Variants in ZNF304 observed in about 807,000 individuals in gnomAD.
The protein encoded by ZNF304 is zinc finger protein 304, also known as KRAB-containing zinc finger protein.
ZNF304 carries 7 observed loss-of-function variants against 7.8 expected under a neutral mutation model. The observed-to-expected ratio is 0.90, with a 90% CI of 0.51 to 1.69. The LOEUF is 1.69. Among genes scored for constraint, ZNF304 ranks in the 40% most tolerant of loss-of-function variants. The probability of loss-of-function intolerance (pLI) is 0.00; values close to 1 mark genes in which losing one functional copy is unlikely to be tolerated. For missense variants in ZNF304, 669 were observed against 804.8 expected, an observed-to-expected ratio of 0.83 and a Z score of 2.04; for synonymous variants, 280 against 272.4, an observed-to-expected ratio of 1.03 and a Z score of -0.27.
chr19:57,351,467 GCTGGGCTCTTACCGAGGCCTCCACA>G lies in ZNF304; in HGVS notation c.-196_-172del. The G allele has an allele frequency of 2.1e-5, 13 of 617,822 alleles. No homozygotes were observed. The highest frequency in any genetic ancestry group is 3.7e-5 in the Non-Finnish European group (13 of 352,916). 38.3% of individuals were successfully genotyped at this position (617,822 alleles called of 1,614,324 possible). A position where few individuals can be genotyped will look rare whatever the true frequency, so the allele number is the denominator to read the frequency against. ...GCCTCTCGCGGAGGTGTCTGCCGGG[GCTGGGCTCTTACCGAGGCCTCCACA>G]CACGTCCTCTTGTCCTTGTCTCCCC... is the stretch of plus-strand genomic sequence containing the variant. On this transcript the variant is annotated 5_prime_UTR_variant, in exon 1 of 3. An upstream open reading frame in the 5' UTR gains an earlier in-frame stop. Transcript: ENST00000282286. The surrounding 1 kb of genome is among the most constrained non-coding windows in gnomAD (Gnocchi z 4.1).
chr19:57,353,890 A>C (rs1785298391), intron 2 of ZNF304, 39 bp downstream of exon 2: 1 of 1,452,524 alleles, frequency 6.9e-7, no homozygotes, highest in Non-Finnish European at 9.2e-7. Flanking sequence ...TACATGGCAA[A>C]TTATCCCAAA....
In ZNF304 at chr19:57,358,590, G is replaced by T. The variant is rs2088381787; in HGVS notation, c.*741G>T. 1 of 152,264 alleles carries T rather than the reference G, an allele frequency of 6.6e-6. No homozygotes were observed. Among genetic ancestry groups the T allele is most frequent in the Non-Finnish European group, 1.5e-5 (1 of 68,092 alleles). 9.4% of individuals were successfully genotyped at this position (152,264 alleles called of 1,614,324 possible). On this transcript the variant is annotated 3_prime_UTR_variant, in exon 3 of 3. Transcript: ENST00000282286. ...TGTCATGAAGGGAGTAGCACCTTTT[G>T]TGGGCACCACCTTTATGTGCCTCAG... is the stretch of plus-strand genomic sequence containing the variant.
chr19:57,359,554 A>G lies in ZNF304; in HGVS notation c.*1705A>G, dbSNP rs1435040801. 1 of 152,242 alleles carries G rather than the reference A, an allele frequency of 6.6e-6. No individual in the cohort carries two copies. The highest frequency in any genetic ancestry group is 1.9e-4 in the East Asian group (1 of 5,204). The allele number at this position is 152,242 out of a possible 1,614,324, so 9.4% of individuals were successfully genotyped here. A position where few individuals can be genotyped will look rare whatever the true frequency, so the allele number is the denominator to read the frequency against. ...AACCACCACAGTCAAGATATCCAAC[A>G]CAACAAAAGATTGTCCCTTTATAAT... is the stretch of plus-strand genomic sequence containing the variant. On this transcript the variant is annotated 3_prime_UTR_variant, in exon 3 of 3. Transcript: ENST00000282286.
rs2088276677 is a variant in ZNF304 at position 57,351,692 on chromosome 19, G to T, written c.28G>T (p.Val10Phe). 2 of 1,612,418 alleles carry T rather than the reference G, an allele frequency of 1.2e-6. No individual in the cohort carries two copies. Among genetic ancestry groups the T allele is most frequent in the South Asian group, 2.2e-5 (2 of 90,886 alleles). The change falls in exon 1 of 3, where the codon GTT becomes TTT. Residue 10 changes from valine (V) to phenylalanine (F), a missense_variant. By Grantham distance (50) the Val-to-Phe change is conservative. Transcript: ENST00000282286. The surrounding 1 kb of genome is among the most constrained non-coding windows in gnomAD (Gnocchi z 4.1). ...GGCAGCGGCGGTGCTGATGGACCGG[G>T]TTCAGGTGAGTGGGGGCATCCCTCA... Reference protein sequence around the residue: MAAAVLMDRVQSCVTFEDVF... With the variant: MAAAVLMDRFQSCVTFEDVF...
chr19:57,351,813 T>C lies in ZNF304; in HGVS notation c.33+116T>C, dbSNP rs1023131407. ...GTCGCATTATGTGGAGGGGTTCCGC[T>C]CCCCTCATCAGTGGCATAAGGTGTG... On this transcript the variant is annotated intron_variant, in intron 1 of 2. Coordinates refer to ENST00000282286, the MANE Select transcript of ZNF304 (RefSeq NM_020657.4). This position sits in a 1 kb window ranked among gnomAD's most constrained non-coding sequence, Gnocchi z 4.1. 1 of 1,176,912 alleles carries C rather than the reference T, an allele frequency of 8.5e-7. No individual in the cohort carries two copies. The highest frequency in any genetic ancestry group is 1.2e-6 in the Non-Finnish European group (1 of 834,148). 72.9% of individuals were successfully genotyped at this position (1,176,912 alleles called of 1,614,324 possible).
At chr19:57,352,018 C>G in intron 1 of ZNF304, 1 of 351,332 alleles carries the variant, frequency 2.8e-6, no homozygotes, top group Non-Finnish European at 5.2e-6. Flanking sequence ...GGGAGTCATG[C>G]AAGGTTTGGT....
At position 57,357,156 on chromosome 19, in the gene ZNF304, C is replaced by A; in HGVS notation, c.1287C>A (p.Ser429Arg). 1 of 1,614,136 alleles carries A rather than the reference C, an allele frequency of 6.2e-7. No individual in the cohort carries two copies. Among genetic ancestry groups the A allele is most frequent in the Non-Finnish European group, 8.5e-7 (1 of 1,180,042 alleles). ...GCATAGAATGTGGAAAATTCTTTAG[C>A]CATAACTCTAGCCTCATTAAACATC... ...YECIECGKFF[S>R]HNSSLIKHRR... is the part of the protein sequence containing the mutation. Residue 429 changes from serine to arginine, a missense_variant, in exon 3 of 3, where the codon AGC (serine) becomes AGA (arginine). Physicochemically the swap from Ser to Arg is moderately radical, Grantham distance 110. Transcript: ENST00000282286.
At position 57,358,243 on chromosome 19, in the gene ZNF304, C is replaced by CA. The variant is rs1280033381; in HGVS notation, c.*394_*395insA. 2 of 141,674 alleles carry CA rather than the reference C, an allele frequency of 1.4e-5. No homozygotes were observed. The highest frequency in any genetic ancestry group is 2.7e-4 in the South Asian group (1 of 3,716). The allele number at this position is 141,674 out of a possible 1,614,324, so 8.8% of individuals were successfully genotyped here. On this transcript the variant is annotated 3_prime_UTR_variant, in exon 3 of 3. Coordinates refer to ENST00000282286, the MANE Select transcript of ZNF304 (RefSeq NM_020657.4). ...TGAATATTTTCAAGGACTTCCCCCC[C>CA]CCCCCACTTCACCCCCTACCATTGA...
chr19:57,354,529 C>T (rs975253923), intron 2 of ZNF304, among the ~76,000 whole-genome samples: 1 of 152,228 alleles, frequency 6.6e-6, no homozygotes, highest in Non-Finnish European at 1.5e-5. Flanking sequence ...TACCTTATGA[C>T]ACAGAAGCTA....
In ZNF304 at chr19:57,355,949, G is replaced by C; in HGVS notation, c.161-81G>C. 11 of 1,483,064 alleles carry C rather than the reference G, an allele frequency of 7.4e-6. No individual in the cohort carries two copies. The South Asian group carries it at 1.4e-4, about 19-fold the overall frequency. The allele number at this position is 1,483,064 out of a possible 1,614,324, so 91.9% of individuals were successfully genotyped here. Reference sequence around the variant, plus strand: ...CCAACAAGCCAGTGGACTCGCACTGGTGTTAGACACACATTTGTGATGGGG... The same window carrying C: ...CCAACAAGCCAGTGGACTCGCACTGCTGTTAGACACACATTTGTGATGGGG... On this transcript the variant is annotated intron_variant, in intron 2 of 2. Transcript: ENST00000282286.
In ZNF304 at chr19:57,351,459, C is replaced by T; in HGVS notation, c.-206C>T. ...GACGGGCGGCCTCTCGCGGAGGTGT[C>T]TGCCGGGGCTGGGCTCTTACCGAGG... On this transcript the variant is annotated 5_prime_UTR_variant, in exon 1 of 3. Transcript: ENST00000282286. This position sits in a 1 kb window ranked among gnomAD's most constrained non-coding sequence, Gnocchi z 4.1. 1 of 603,724 alleles carries T rather than the reference C, an allele frequency of 1.7e-6. No homozygotes were observed. The highest frequency in any genetic ancestry group is 2.9e-6 in the Non-Finnish European group (1 of 343,320). 37.4% of individuals were successfully genotyped at this position (603,724 alleles called of 1,614,324 possible).
chr19:57,358,166 C>G lies in ZNF304; in HGVS notation c.*317C>G, dbSNP rs1039334988. The G allele has an allele frequency of 3.6e-6, 1 of 274,970 alleles. No homozygotes were observed. Among genetic ancestry groups the G allele is most frequent in the Non-Finnish European group, 6.9e-6 (1 of 145,396 alleles). The allele number at this position is 274,970 out of a possible 1,614,324, so 17.0% of individuals were successfully genotyped here. A position where few individuals can be genotyped will look rare whatever the true frequency, so the allele number is the denominator to read the frequency against. On this transcript the variant is annotated 3_prime_UTR_variant, in exon 3 of 3. Transcript: ENST00000282286. ...TGTGTGTGTCAATCACTCCATTTTG[C>G]TCAGGGAAGGCAGACTTCTGTGCTT...
At position 57,356,277 on chromosome 19, in the gene ZNF304, G is replaced by A; in HGVS notation, c.408G>A (p.Gln136=). ...TCAGTGCAAACTTTTACCAGCACCA[G>A]AAGCAACATAATGGAGAGAATTGCT... ...FSFSANFYQH[Q]KQHNGENCFR... is the part of the protein sequence containing the mutation. Residue 136 remains glutamine (Q), a synonymous_variant, in exon 3 of 3, where the codon CAG becomes CAA. Transcript: ENST00000282286. 6.2e-7 allele frequency: 1 copy of A among 1,614,214 alleles called. No homozygotes were observed. Among genetic ancestry groups the A allele is most frequent in the Non-Finnish European group, 8.5e-7 (1 of 1,180,046 alleles).
Position 57,357,522 on chromosome 19 carries a change from A to C in ZNF304, c.1653A>C (p.Arg551Ser). 6.2e-7 allele frequency: 1 copy of C among 1,613,658 alleles called. No individual in the cohort carries two copies. The highest frequency in any genetic ancestry group is 8.5e-7 in the Non-Finnish European group (1 of 1,179,696). The change falls in exon 3 of 3, where the codon AGA (arginine) becomes AGC (serine). Residue 551 changes from arginine (R) to serine (S), a missense_variant. By Grantham distance (110) the Arg-to-Ser change is moderately radical. Transcript: ENST00000282286. ...SHNSSLILHQRVHTGARPYVC... is the reference protein window; with the variant it reads ...SHNSSLILHQSVHTGARPYVC... Reference sequence around the variant, plus strand: ...ACTCCAGCCTCATTTTGCACCAGAGAGTTCACACAGGAGCAAGGCCTTATG... The same window carrying C: ...ACTCCAGCCTCATTTTGCACCAGAGCGTTCACACAGGAGCAAGGCCTTATG...
In ZNF304 at chr19:57,351,481, G is replaced by C. The variant is rs2088272825; in HGVS notation, c.-184G>C. 1 of 661,894 alleles carries C rather than the reference G, an allele frequency of 1.5e-6. No homozygotes were observed. Among genetic ancestry groups the C allele is most frequent in the Non-Finnish European group, 2.6e-6 (1 of 387,258 alleles). 41.0% of individuals were successfully genotyped at this position (661,894 alleles called of 1,614,324 possible). On this transcript the variant is annotated 5_prime_UTR_variant, in exon 1 of 3. Coordinates refer to ENST00000282286, the MANE Select transcript of ZNF304 (RefSeq NM_020657.4). This position sits in a 1 kb window ranked among gnomAD's most constrained non-coding sequence, Gnocchi z 4.1. ...TGTCTGCCGGGGCTGGGCTCTTACCGAGGCCTCCACACACGTCCTCTTGTC... is the reference window on the plus strand; with the variant it reads ...TGTCTGCCGGGGCTGGGCTCTTACCCAGGCCTCCACACACGTCCTCTTGTC...
At chr19:57,352,135 C>T (rs891882064) in intron 1 of ZNF304, 11 of 171,242 alleles carry the variant, frequency 6.4e-5, no homozygotes, top group Non-Finnish European at 1.0e-4. Context: ...ATGAAGTCTA[C>T]TGAAATAGTC....
At position 57,351,965 on chromosome 19, in the gene ZNF304, G is replaced by A; in HGVS notation, c.33+268G>A. 4.6e-6 allele frequency: 2 copies of A among 438,000 alleles called. No homozygotes were observed. Among genetic ancestry groups the A allele is most frequent in the South Asian group, 4.4e-5 (1 of 22,792 alleles). The allele number at this position is 438,000 out of a possible 1,614,324, so 27.1% of individuals were successfully genotyped here. The stretch of plus-strand genomic sequence containing the variant: ...GGACTAGGGGGTCAGAGGTAGGCCT[G>A]GAATGGCCGCCCGAGGAGCTGGTCC... On this transcript the variant is annotated intron_variant, in intron 1 of 2. Coordinates refer to ENST00000282286, the MANE Select transcript of ZNF304 (RefSeq NM_020657.4). The surrounding 1 kb of genome is among the most constrained non-coding windows in gnomAD (Gnocchi z 4.1).
At position 57,351,880 on chromosome 19, in the gene ZNF304, G is replaced by A. The variant is rs1209971325; in HGVS notation, c.33+183G>A. The A allele has an allele frequency of 1.0e-5, 6 of 587,740 alleles. No homozygotes were observed. The highest frequency in any genetic ancestry group is 1.7e-5 in the Non-Finnish European group (6 of 343,456). 36.4% of individuals were successfully genotyped at this position (587,740 alleles called of 1,614,324 possible). A position where few individuals can be genotyped will look rare whatever the true frequency, so the allele number is the denominator to read the frequency against. ...GCAGGGGCAGTTCGTACAAATGCAT[G>A]CATGGAGAGGAGAATGAGTTTGGGG... On this transcript the variant is annotated intron_variant, in intron 1 of 2. Coordinates refer to ENST00000282286, the MANE Select transcript of ZNF304 (RefSeq NM_020657.4). The surrounding 1 kb of genome is among the most constrained non-coding windows in gnomAD (Gnocchi z 4.1).
At position 57,356,013 on chromosome 19, in the gene ZNF304, C is replaced by G. The variant is rs778306502; in HGVS notation, c.161-17C>G. On this transcript the variant is annotated splice_polypyrimidine_tract_variant and intron_variant, in intron 2 of 2. Coordinates refer to ENST00000282286, the MANE Select transcript of ZNF304 (RefSeq NM_020657.4). The stretch of plus-strand genomic sequence containing the variant: ...CCAAAGTCAGCATGCACTTCACCAG[C>G]TCTTTTTTGCTTTCAGGTTTTTGGT... 2 of 1,585,226 alleles carry G rather than the reference C, an allele frequency of 1.3e-6. No individual in the cohort carries two copies. The highest frequency in any genetic ancestry group is 1.7e-6 in the Non-Finnish European group (2 of 1,163,420).
Sources: allele counts gnomAD v4.1 joint callset (sites outside exome capture counted in the v4.1 genomes callset), GRCh38; gene constraint gnomAD v4.1.1; non-coding constraint Gnocchi (gnomAD v3.1); transcripts MANE v1.5; gene names NCBI Gene and HGNC (gene_info 2026-07-23, HGNC 2026-07-21).